MRTFB: variants seen among roughly 807,000 people sequenced by gnomAD.
The protein encoded by MRTFB is myocardin related transcription factor B.
In MRTFB, 29 loss-of-function variants were observed where a neutral mutation model predicts 104.2. The observed-to-expected ratio is 0.28, with a 90% CI of 0.21 to 0.38. The LOEUF is 0.38. MRTFB is among the 10% of genes least tolerant of loss of function. The pLI, the probability that MRTFB is intolerant of heterozygous loss-of-function variation, is 1.00. For missense variants in MRTFB, 1,270 were observed against 1,341.6 expected (o/e 0.95, Z 0.83); for synonymous variants, 535 against 519.5 (o/e 1.03, Z -0.41).
At chr16:14,190,329 C>A (rs545328811) in intron 3 of MRTFB, among the ~76,000 whole-genome samples, 1 of 152,296 alleles carries the variant, frequency 6.6e-6, no homozygotes, top group East Asian at 1.9e-4. Context: ...TGATTACACT[C>A]AACATACATG....
the MRTFB span, among the ~76,000 whole-genome samples, chr16:14,058,226 G>A: frequency 2.0e-5 from 3 of 152,142 alleles, no homozygotes; most frequent in African/African-American, 4.8e-5. Context: ...AACTCATTTC[G>A]CGAATTCCAA....
intron 3 of MRTFB, among the ~76,000 whole-genome samples, chr16:14,204,392 G>C (rs539083780): frequency 6.6e-6 from 1 of 152,086 alleles, no homozygotes; most frequent in Non-Finnish European, 1.5e-5. Flanking sequence ...TGGAAAACCC[G>C]CTAGACAAAT....
chr16:14,119,466 G>GT (rs1301509776), intron 2 of MRTFB, among the ~76,000 whole-genome samples: 2 of 152,068 alleles, frequency 1.3e-5, no homozygotes, highest in African/African-American at 4.8e-5. Context: ...TAATTGAATG[G>GT]TTTTTCCTTT....
chr16:14,036,147 T>C, the MRTFB span, among the ~76,000 whole-genome samples: 3 of 9,472 alleles, frequency 3.2e-4, no homozygotes, highest in African/African-American at 9.5e-4. Context: ...ATTATATATA[T>C]AATATATATT....
the MRTFB span, among the ~76,000 whole-genome samples, chr16:14,031,110 G>A: frequency 6.6e-6 from 1 of 152,134 alleles, no homozygotes; most frequent in African/African-American, 2.4e-5. Flanking sequence ...AACATCCAGG[G>A]ACCAGGTGCG....
At chr16:14,130,179 T>G (rs2037367271) in intron 2 of MRTFB, among the ~76,000 whole-genome samples, 2 of 152,192 alleles carry the variant, frequency 1.3e-5, no homozygotes, top group African/African-American at 4.8e-5. Flanking sequence ...ATTGGGGTTT[T>G]TATCTTTTTT....
chr16:14,049,028 G>T, the MRTFB span, among the ~76,000 whole-genome samples: 2 of 152,166 alleles, frequency 1.3e-5, no homozygotes, highest in Non-Finnish European at 2.9e-5. Flanking sequence ...CCTCCCAGGG[G>T]ACATTTGGCA....
At chr16:14,234,078 A>T (rs540569942) in intron 8 of MRTFB, 68 bp from the exon 9 acceptor site, 4 of 1,567,410 alleles carry the variant, frequency 2.6e-6, no homozygotes, top group Non-Finnish European at 3.5e-6. Context: ...ATTCCCTTGT[A>T]ATTCTAATTT....
chr16:14,191,383 T>C (rs1216694303), intron 3 of MRTFB, among the ~76,000 whole-genome samples: 3 of 152,238 alleles, frequency 2.0e-5, no homozygotes, highest in African/African-American at 4.8e-5. Context: ...TCCTGTGCCA[T>C]TTTTTAAAGA....
intron 2 of MRTFB, among the ~76,000 whole-genome samples, chr16:14,124,958 G>A (rs560791055): frequency 2.3e-4 from 35 of 152,046 alleles, no homozygotes; most frequent in African/African-American, 7.5e-4. Context: ...TGTTTTCTGC[G>A]TACCTTGCTG....
At chr16:14,060,882 C>G in the MRTFB span, among the ~76,000 whole-genome samples, 10 of 152,218 alleles carry the variant, frequency 6.6e-5, no homozygotes, top group East Asian at 1.7e-3. Flanking sequence ...CGCGGTGGCT[C>G]ACGCCTGTAA....
At chr16:14,162,386 G>A (rs2039076366) in intron 3 of MRTFB, among the ~76,000 whole-genome samples, 2 of 151,948 alleles carry the variant, frequency 1.3e-5, no homozygotes, top group South Asian at 2.1e-4. Flanking sequence ...TGACATTACT[G>A]TGTTTTGTAG....
At chr16:14,227,517 GT>G (rs2042062227) in intron 8 of MRTFB, among the ~76,000 whole-genome samples, 1 of 151,312 alleles carries the variant, frequency 6.6e-6, no homozygotes, top group African/African-American at 2.4e-5. Context: ...ATTTTTTTTT[GT>G]TTTGTTTTTT....
chr16:14,224,867 A>AGAT (rs1404856578), intron 8 of MRTFB, among the ~76,000 whole-genome samples: 2 of 152,240 alleles, frequency 1.3e-5, no homozygotes, highest in Non-Finnish European at 2.9e-5. Flanking sequence ...AAAGGATGCC[A>AGAT]GATAGTAACT....
chr16:14,256,205 A>C (rs1269869827), intron 15 of MRTFB, among the ~76,000 whole-genome samples: 5 of 151,654 alleles, frequency 3.3e-5, no homozygotes, highest in Admixed American at 2.6e-4. Context: ...AAAAAAAAAA[A>C]AAACCCCAGA....
chr16:14,087,275 G>GAGCT (rs1332971863), intron 2 of MRTFB, among the ~76,000 whole-genome samples: 4 of 152,176 alleles, frequency 2.6e-5, no homozygotes, highest in African/African-American at 9.7e-5. Flanking sequence ...GTTCCATGAT[G>GAGCT]AGCTCAATAG....
upstream of MRTFB, among the ~76,000 whole-genome samples, chr16:14,070,034 T>A (rs1162264414): frequency 6.6e-6 from 1 of 152,188 alleles, no homozygotes; most frequent in Non-Finnish European, 1.5e-5. Flanking sequence ...GTGGACAGGT[T>A]TGGAGCATGG....
At chr16:14,240,791 G>A (rs748524909) in intron 10 of MRTFB, 3 of 756,992 alleles carry the variant, frequency 4.0e-6, no homozygotes, top group Admixed American at 1.7e-5. Flanking sequence ...TCTGAGAAAA[G>A]CGTAAGTAGT....
the MRTFB span, among the ~76,000 whole-genome samples, chr16:14,049,538 G>T: frequency 6.6e-6 from 1 of 152,144 alleles, no homozygotes; most frequent in East Asian, 1.9e-4. Context: ...ACAAATAAAT[G>T]CAATATGATT....
Sources: gnomAD v4.1 joint callset for allele counts (sites outside exome capture counted in the v4.1 genomes callset) on GRCh38, gnomAD v4.1.1 for gene constraint, MANE v1.5 for transcripts, NCBI Gene and HGNC (gene_info 2026-07-23, HGNC 2026-07-21) for gene names.